The following CLEC16A variants were observed in gnomAD, a reference collection of about 807,000 sequenced individuals.
CLEC16A encodes C-type lectin domain containing 16A.
CLEC16A carries 51 observed loss-of-function variants against 109.5 expected under a neutral mutation model. That is an observed-to-expected ratio of 0.47 (90% CI 0.37 to 0.59). The LOEUF (loss-of-function observed/expected upper bound fraction) is 0.59. Among genes scored for constraint, CLEC16A ranks in the 20% least tolerant of loss-of-function variants. The pLI is 0.00. For missense variants in CLEC16A, 1,339 were observed against 1,394.0 expected, an observed-to-expected ratio of 0.96 and a Z score of 0.63; for synonymous variants, 673 against 564.2, an observed-to-expected ratio of 1.19 and a Z score of -2.73.
rs2068842476 is a variant in CLEC16A at position 11,178,358 on chromosome 16, C to A, written c.2830C>A (p.Pro944Thr). The A allele has an allele frequency of 6.2e-7, 1 of 1,612,956 alleles. No individual in the cohort carries two copies. Among genetic ancestry groups the A allele is most frequent in the African/African-American group, 1.3e-5 (1 of 74,916 alleles). Residue 944 changes from proline (P) to threonine (T), a missense_variant, in exon 24 of 24, where the codon CCT becomes ACT. By Grantham distance (38) the Pro-to-Thr change is conservative. This residue lies in a region of CLEC16A where 1,061 missense variants were observed against 1,006.8 expected (regional missense o/e 1.05). Coordinates refer to ENST00000409790, the MANE Select transcript of CLEC16A (RefSeq NM_015226.3). This position sits in a 1 kb window ranked among gnomAD's most constrained non-coding sequence, Gnocchi z 6.5. The stretch of plus-strand genomic sequence containing the variant: ...AGATGCCCCCATGAGTCCAGAACTG[C>A]CTAAGCCTCACCTTCCTGACCAGTT... ...PADAPMSPEL[P>T]KPHLPDQLVI...
chr16:11,170,120 C>G (rs538365838), intron 23 of CLEC16A, among the ~76,000 whole-genome samples: 1 of 152,322 alleles, frequency 6.6e-6, no homozygotes, highest in South Asian at 2.1e-4. Flanking sequence ...CAGGCACCTC[C>G]AGGGTGTCGC....
chr16:11,157,170 A>G, intron 22 of CLEC16A: 1 of 1,266,998 alleles, frequency 7.9e-7, no homozygotes, highest in South Asian at 1.3e-5. Context: ...CTATTTTTGT[A>G]TGTTGGACAT....
intron 23 of CLEC16A, among the ~76,000 whole-genome samples, chr16:11,168,775 G>C (rs565418912): frequency 6.6e-6 from 1 of 152,264 alleles, no homozygotes; most frequent in African/African-American, 2.4e-5. Context: ...TCTGCCTGCT[G>C]TTCCAGCAAG....
chr16:11,078,587 C>A lies in CLEC16A; in HGVS notation c.2116+17565C>A, dbSNP rs557616054. ...TGCCGTCCCAGTCACCCTCACAGAT[C>A]CCTCATGGGTGAATGACATTTCTCA... On this transcript the variant is annotated intron_variant, in intron 19 of 23. Coordinates refer to ENST00000409790, the MANE Select transcript of CLEC16A (RefSeq NM_015226.3). Among the ~76,000 whole-genome samples, 44 of 152,306 alleles carry A rather than the reference C, an allele frequency of 2.9e-4. No homozygotes were observed. The South Asian group carries it at 8.5e-3, about 29-fold the overall frequency.
At chr16:11,097,448 A>G (rs2050669067) in intron 19 of CLEC16A, among the ~76,000 whole-genome samples, 1 of 152,160 alleles carries the variant, frequency 6.6e-6, no homozygotes, top group Non-Finnish European at 1.5e-5. Flanking sequence ...TTAGAATTTG[A>G]TGCATCAGAA....
At chr16:11,021,115 G>C (rs145596418) in intron 12 of CLEC16A, among the ~76,000 whole-genome samples, 13 of 152,292 alleles carry the variant, frequency 8.5e-5, no homozygotes, top group East Asian at 7.7e-4. Flanking sequence ...AGGGAGGGGT[G>C]GTGGAAATAC....
At chr16:11,172,539 T>C (rs968676818) in intron 23 of CLEC16A, among the ~76,000 whole-genome samples, 2 of 152,218 alleles carry the variant, frequency 1.3e-5, no homozygotes, top group Non-Finnish European at 2.9e-5. Context: ...CCTGCTTATT[T>C]ATTTATTTTT....
At chr16:11,084,596 G>T (rs537256949) in intron 19 of CLEC16A, among the ~76,000 whole-genome samples, 2 of 152,110 alleles carry the variant, frequency 1.3e-5, no homozygotes, top group African/African-American at 2.4e-5. Context: ...ACTTTGCGTG[G>T]GTCTCTTTCT....
rs1196744161 is a variant in CLEC16A at position 11,051,636 on chromosome 16, C to T, written c.1990C>T (p.Arg664Trp). Reference sequence around the variant, plus strand: ...GCCGTGTGGCGATGTGGAGAAGACCCGGCGGGTGAGTGAGCACAGGACCTG... The same window carrying T: ...GCCGTGTGGCGATGTGGAGAAGACCTGGCGGGTGAGTGAGCACAGGACCTG... Reference protein sequence around the residue: ...RLPCGDVEKTRRAIRVFFMLR... With the variant: ...RLPCGDVEKTWRAIRVFFMLR... Residue 664 changes from arginine to tryptophan, a missense_variant, in exon 18 of 24, where the codon CGG (arginine) becomes TGG (tryptophan). Physicochemically the swap from Arg to Trp is moderately radical, Grantham distance 101. This residue lies in a region of CLEC16A where 1,061 missense variants were observed against 1,006.8 expected (regional missense o/e 1.05). Coordinates refer to ENST00000409790, the MANE Select transcript of CLEC16A (RefSeq NM_015226.3). 2.5e-6 allele frequency: 4 copies of T among 1,613,840 alleles called. No homozygotes were observed. Among genetic ancestry groups the T allele is most frequent in the Admixed American group, 1.7e-5 (1 of 60,032 alleles).
At chr16:10,953,007 C>T (rs944322641) in intron 1 of CLEC16A, among the ~76,000 whole-genome samples, 1 of 151,956 alleles carries the variant, frequency 6.6e-6, no homozygotes, top group Non-Finnish European at 1.5e-5. Flanking sequence ...AATTTTAGCA[C>T]GTATTTTTGT....
chr16:11,061,057 G>T, intron 19 of CLEC16A, 35 bp downstream of exon 19: 1 of 1,571,960 alleles, frequency 6.4e-7, no homozygotes, highest in Non-Finnish European at 8.6e-7. Flanking sequence ...GCAGGGGGCT[G>T]GGGGACATGG....
chr16:10,974,606 C>T (rs545826776), intron 7 of CLEC16A, among the ~76,000 whole-genome samples: 11 of 152,200 alleles, frequency 7.2e-5, no homozygotes, highest in Admixed American at 2.6e-4. Context: ...GGCAAATTCA[C>T]CCTCACTTGA....
intron 19 of CLEC16A, among the ~76,000 whole-genome samples, chr16:11,067,551 G>C (rs8061882): frequency 0.11 from 17,101 of 152,174 alleles, 1,311 homozygotes; most frequent in South Asian, 0.29. Context: ...GGCAAGATGA[G>C]GCTGGGTAGG....
intron 10 of CLEC16A, among the ~76,000 whole-genome samples, chr16:10,999,998 G>C (rs1272886647): frequency 1.3e-5 from 2 of 152,094 alleles, no homozygotes; most frequent in East Asian, 3.9e-4. Context: ...CACCACACCT[G>C]GCTAATTTTT....
chr16:11,163,180 C>A (rs925204450), intron 22 of CLEC16A, among the ~76,000 whole-genome samples: 1 of 152,240 alleles, frequency 6.6e-6, no homozygotes. Context: ...GGACAGGGCG[C>A]TCTGGCCATA....
intron 11 of CLEC16A, among the ~76,000 whole-genome samples, chr16:11,019,429 G>A (rs2045961318): frequency 6.6e-6 from 1 of 150,510 alleles, no homozygotes; most frequent in Admixed American, 6.6e-5. Context: ...AAGTAAAAAA[G>A]GAAAACAAAA....
chr16:11,018,209 G>A (rs1198484580), intron 11 of CLEC16A, among the ~76,000 whole-genome samples: 2 of 151,292 alleles, frequency 1.3e-5, no homozygotes, highest in East Asian at 1.9e-4. Context: ...CGGGAGCCCA[G>A]GTGGTCAAGG....
intron 19 of CLEC16A, among the ~76,000 whole-genome samples, chr16:11,078,817 C>A (rs1425282789): frequency 6.6e-6 from 1 of 152,096 alleles, no homozygotes; most frequent in African/African-American, 2.4e-5. Flanking sequence ...TCCCATCTGC[C>A]CCTAAGGTTC....
At chr16:11,127,727 G>T (rs6498167) in intron 22 of CLEC16A, among the ~76,000 whole-genome samples, 24,650 of 151,902 alleles carry the variant, frequency 0.16, 2,658 homozygotes, top group African/African-American at 0.31. Flanking sequence ...AATTAGCCAG[G>T]CATGGTGGTG....
Sources: gnomAD v4.1 joint callset for allele counts (sites outside exome capture counted in the v4.1 genomes callset) on GRCh38, gnomAD v4.1.1 for gene constraint, gnomAD v4.1.1 regional missense constraint, Gnocchi (gnomAD v3.1) non-coding constraint, MANE v1.5 for transcripts, NCBI Gene and HGNC (gene_info 2026-07-23, HGNC 2026-07-21) for gene names.